The following CCDC148 variants were observed in gnomAD, a reference collection of about 807,000 sequenced individuals.
CCDC148 encodes coiled-coil domain containing 148.
Under a neutral mutation model 85.7 loss-of-function variants are expected in CCDC148, and 89 were observed. That is an observed-to-expected ratio of 1.04 (90% confidence interval 0.87 to 1.24). The LOEUF (loss-of-function observed/expected upper bound fraction) is 1.24. Ranked by LOEUF, CCDC148 falls within the 50% of genes most tolerant of loss-of-function variation. The pLI is 0.00. For synonymous variants in CCDC148, 230 were observed against 213.9 expected (o/e 1.08, Z -0.66); for missense variants, 692 against 671.7 (o/e 1.03, Z -0.33).
chr2:158,440,911 T>C (rs72999401), intron 1 of CCDC148, among the ~76,000 whole-genome samples: 5,010 of 152,232 alleles, frequency 0.033, 127 homozygotes, highest in African/African-American at 0.064. Flanking sequence ...CCAGGCATAG[T>C]GGTGCACACC....
At chr2:158,273,435 C>A (rs553703014) in intron 9 of CCDC148, among the ~76,000 whole-genome samples, 2 of 152,192 alleles carry the variant, frequency 1.3e-5, no homozygotes, top group Admixed American at 1.3e-4. Flanking sequence ...ATAAAATGTC[C>A]CCCAAAGTAC....
intron 11 of CCDC148, among the ~76,000 whole-genome samples, chr2:158,193,271 G>A (rs186076531): frequency 1.3e-5 from 2 of 152,022 alleles, no homozygotes; most frequent in East Asian, 3.9e-4. Flanking sequence ...TGTTTGCACC[G>A]CCCCAATTCT....
chr2:158,456,638 C>G lies in CCDC148; in HGVS notation c.-199G>C. On this transcript the variant is annotated 5_prime_UTR_variant, in exon 1 of 14. Transcript: ENST00000283233. ...CCTGCCCCAGATTTCAGAGCCAGCG[C>G]TGGGGAATCTCCCTGTCCTCTCCGC... 1 of 663,748 alleles carries G rather than the reference C, an allele frequency of 1.5e-6. No individual in the cohort carries two copies. Among genetic ancestry groups the G allele is most frequent in the Non-Finnish European group, 2.5e-6 (1 of 393,882 alleles). The allele number at this position is 663,748 out of a possible 1,614,324, so 41.1% of individuals were successfully genotyped here.
intron 9 of CCDC148, among the ~76,000 whole-genome samples, chr2:158,294,853 A>G (rs910947207): frequency 2.6e-5 from 4 of 151,296 alleles, no homozygotes; most frequent in African/African-American, 9.7e-5. Context: ...ACCTGCCAAA[A>G]TGTTGCACAA....
rs568377772 is a variant in CCDC148, at chr2:158,198,658, C to A, written c.1371-19662G>T. Among the ~76,000 whole-genome samples, 15 of 152,218 alleles carry A rather than the reference C, an allele frequency of 9.9e-5. 1 individual carries two copies. Among genetic ancestry groups the A allele is most frequent in the Admixed American group, 9.8e-4 (15 of 15,282 alleles). ...CTTCAGAGAATACTTGAAATGGCTTCAAGGTCTTTTTTTTTCCAGGTCGGA... is the reference window on the plus strand; with the variant it reads ...CTTCAGAGAATACTTGAAATGGCTTAAAGGTCTTTTTTTTTCCAGGTCGGA... On this transcript the variant is annotated intron_variant, in intron 11 of 13. Transcript: ENST00000283233.
chr2:158,244,504 T>C (rs891125662), intron 10 of CCDC148, among the ~76,000 whole-genome samples: 4 of 152,168 alleles, frequency 2.6e-5, no homozygotes, highest in African/African-American at 9.6e-5. Flanking sequence ...CTGTAGGCTA[T>C]AGGTCCCATT....
At chr2:158,304,073 T>C (rs1574584930) in intron 9 of CCDC148, among the ~76,000 whole-genome samples, 1 of 152,034 alleles carries the variant, frequency 6.6e-6, no homozygotes, top group East Asian at 1.9e-4. Flanking sequence ...CATGGCTCAC[T>C]CTTGGGTTAG....
chr2:158,302,673 C>A (rs2356083), intron 9 of CCDC148, among the ~76,000 whole-genome samples: 138,523 of 151,900 alleles, frequency 0.91, 63,254 homozygotes, highest in East Asian at 0.98. Flanking sequence ...AATCCCAGCT[C>A]CTCAGGAGGC....
rs1433467643 is a variant in CCDC148 at position 158,431,500 on chromosome 2, A to C, written c.25+24915T>G. On this transcript the variant is annotated intron_variant, in intron 1 of 13. Coordinates refer to ENST00000283233, the MANE Select transcript of CCDC148 (RefSeq NM_138803.4). ...AAAAGGTGTTTTTTAAAAAAAAAAA[A>C]ACCTGTCAATTTATAATCCTACACA... Among the ~76,000 whole-genome samples the C allele has an allele frequency of 3.3e-5, 5 of 151,966 alleles. No homozygotes were observed. In the East Asian group the frequency reaches 5.8e-4, roughly 18 times the overall value.
At chr2:158,390,444 A>C (rs1685256684) in intron 1 of CCDC148, among the ~76,000 whole-genome samples, 1 of 152,172 alleles carries the variant, frequency 6.6e-6, no homozygotes, top group Non-Finnish European at 1.5e-5. Context: ...TAAAAGTGGG[A>C]AAGTCAAAAA....
Position 158,226,660 on chromosome 2 carries a change from T to A in CCDC148, c.1252-5947A>T, listed in dbSNP as rs543088907. ...GCAAGGCTGGTTCAACATACGCAAA[T>A]CAATAAACATAATCCAGCATATAAA... On this transcript the variant is annotated intron_variant, in intron 10 of 13. Coordinates refer to ENST00000283233, the MANE Select transcript of CCDC148 (RefSeq NM_138803.4). Among the ~76,000 whole-genome samples, 357 of 152,126 alleles carry A rather than the reference T, an allele frequency of 2.3e-3. 1 individual carries two copies. Among genetic ancestry groups the A allele is most frequent in the African/African-American group, 8.1e-3 (335 of 41,472 alleles).
chr2:158,227,381 C>T (rs559237698), intron 10 of CCDC148, among the ~76,000 whole-genome samples: 3,212 of 151,468 alleles, frequency 0.021, 56 homozygotes, highest in African/African-American at 0.055. Context: ...GCCATACTGC[C>T]CAAGGTAATT....
At chr2:158,235,753 T>C (rs748291469) in intron 10 of CCDC148, 1 of 152,110 alleles carries the variant, frequency 6.6e-6, no homozygotes, top group African/African-American at 2.4e-5. Context: ...CACTGAAAAT[T>C]AGGATAAGTT....
intron 9 of CCDC148, among the ~76,000 whole-genome samples, chr2:158,297,381 C>T (rs1691240357): frequency 6.6e-6 from 1 of 152,074 alleles, no homozygotes; most frequent in Non-Finnish European, 1.5e-5. Context: ...CTTCCCTATA[C>T]CTTTTCACTT....
At chr2:158,324,585 C>T (rs1692677656) in intron 7 of CCDC148, among the ~76,000 whole-genome samples, 1 of 152,008 alleles carries the variant, frequency 6.6e-6, no homozygotes, top group African/African-American at 2.4e-5. Flanking sequence ...TGATTATTTC[C>T]TTAAAGATCA....
At chr2:158,423,244 T>C (rs1231698706) in intron 1 of CCDC148, among the ~76,000 whole-genome samples, 2 of 152,142 alleles carry the variant, frequency 1.3e-5, no homozygotes, top group Non-Finnish European at 2.9e-5. Flanking sequence ...AAAGTTCATA[T>C]GGAACCAAGA....
chr2:158,406,996 C>T (rs2105311141), intron 1 of CCDC148, among the ~76,000 whole-genome samples: 1 of 152,190 alleles, frequency 6.6e-6, no homozygotes, highest in East Asian at 1.9e-4. Context: ...GGCTTCTTTC[C>T]TGAGCTTCTC....
intron 1 of CCDC148, among the ~76,000 whole-genome samples, chr2:158,379,785 T>A (rs1351730069): frequency 6.6e-6 from 1 of 152,174 alleles, no homozygotes; most frequent in Non-Finnish European, 1.5e-5. Flanking sequence ...ATGTACATTA[T>A]TTTTTAGACA....
rs898243865 is a variant in CCDC148 at position 158,394,594 on chromosome 2, T to G, written c.26-36024A>C. Among the ~76,000 whole-genome samples the G allele has an allele frequency of 2.6e-5, 4 of 151,752 alleles. No individual in the cohort carries two copies. In the East Asian group the frequency reaches 7.8e-4, roughly 29 times the overall value. The stretch of plus-strand genomic sequence containing the variant: ...AATCACCCTGAATTCTTCCAAATTC[T>G]CATTCTCACTTCCAGAAGGAAAAAA... On this transcript the variant is annotated intron_variant, in intron 1 of 13. Coordinates refer to ENST00000283233, the MANE Select transcript of CCDC148 (RefSeq NM_138803.4).
Sources: allele counts gnomAD v4.1 joint callset (sites outside exome capture counted in the v4.1 genomes callset), GRCh38; gene constraint gnomAD v4.1.1; transcripts MANE v1.5; gene names NCBI Gene and HGNC (gene_info 2026-07-23, HGNC 2026-07-21).